The following PTGER3 variants were observed in gnomAD, a reference collection of about 807,000 sequenced individuals.
The protein encoded by PTGER3 is prostaglandin E2 receptor EP3 subtype.
In PTGER3, 22 loss-of-function variants were observed where a neutral mutation model predicts 34.7. That is an observed-to-expected ratio of 0.63 (90% CI 0.45 to 0.91). The LOEUF (loss-of-function observed/expected upper bound fraction) is 0.91, where lower values mean the gene tolerates loss of function less well. PTGER3 is among the 40% of genes least tolerant of loss of function. PTGER3 has a pLI of 0.00. For synonymous variants in PTGER3, 241 were observed against 230.1 expected (o/e 1.05, Z -0.43); for missense variants, 468 against 519.4 (o/e 0.90, Z 0.96).
Position 71,047,100 on chromosome 1 carries a change from T to G in PTGER3, c.478A>C (p.Arg160=). ...AMAVERALAI[R]APHWYASHMK... Reference sequence around the variant, plus strand: ...TGGCTCGCATACCAGTGCGGCGCCCTGATGGCCAGCGCCCGCTCGACGGCC... The same window carrying G: ...TGGCTCGCATACCAGTGCGGCGCCCGGATGGCCAGCGCCCGCTCGACGGCC... Residue 160 remains arginine, a synonymous_variant, in exon 1 of 4, where the codon AGG becomes CGG. Coordinates refer to ENST00000306666, the MANE Select transcript of PTGER3 (RefSeq NM_198719.2). 1 of 1,607,254 alleles carries G rather than the reference T, an allele frequency of 6.2e-7. No homozygotes were observed. The highest frequency in any genetic ancestry group is 8.5e-7 in the Non-Finnish European group (1 of 1,177,394).
intron 4 of PTGER3, among the ~76,000 whole-genome samples, chr1:70,937,726 C>G (rs1385817180): frequency 6.6e-6 from 1 of 152,050 alleles, no homozygotes; most frequent in Non-Finnish European, 1.5e-5. Flanking sequence ...CATACTGTTT[C>G]TTTATCATCT....
At chr1:70,932,471 A>G (rs1033820225) in intron 4 of PTGER3, among the ~76,000 whole-genome samples, 7 of 152,096 alleles carry the variant, frequency 4.6e-5, no homozygotes, top group Non-Finnish European at 1.0e-4. Flanking sequence ...TGAGACTGGG[A>G]AGAAAAAGAG....
At chr1:70,994,005 T>C (rs1655700960) in intron 2 of PTGER3, among the ~76,000 whole-genome samples, 1 of 152,188 alleles carries the variant, frequency 6.6e-6, no homozygotes, top group Admixed American at 6.5e-5. Context: ...ATAGCTGTGT[T>C]ACCAAAAGGG....
chr1:70,941,839 T>C (rs779539946), intron 4 of PTGER3, among the ~76,000 whole-genome samples: 1 of 152,202 alleles, frequency 6.6e-6, no homozygotes, highest in Non-Finnish European at 1.5e-5. Flanking sequence ...ATATCTGTGC[T>C]TCTGACATTG....
At chr1:71,041,479 G>A (rs1391042140) in intron 1 of PTGER3, among the ~76,000 whole-genome samples, 2 of 152,232 alleles carry the variant, frequency 1.3e-5, no homozygotes, top group East Asian at 3.9e-4. Flanking sequence ...AAAAAGCATA[G>A]GTCAGAGACT....
At chr1:70,977,696 T>A (rs1322495476) in intron 2 of PTGER3, among the ~76,000 whole-genome samples, 2 of 152,050 alleles carry the variant, frequency 1.3e-5, no homozygotes, top group African/African-American at 4.8e-5. Flanking sequence ...ATCCCCTCCC[T>A]CTTCCAACTT....
chr1:70,902,650 A>G (rs1433769996), intron 4 of PTGER3, among the ~76,000 whole-genome samples: 2 of 152,224 alleles, frequency 1.3e-5, no homozygotes, highest in Admixed American at 1.3e-4. Flanking sequence ...TGAGTTCCAG[A>G]AAGAGAGGAA....
At chr1:70,970,193 C>T (rs1572802848), downstream of PTGER3, among the ~76,000 whole-genome samples, 2 of 152,068 alleles carry the variant, frequency 1.3e-5, no homozygotes, top group African/African-American at 2.4e-5. Context: ...TATGAAAAAT[C>T]GGTTAAGCCC....
chr1:70,917,403 T>TTGTGTGTGTGTGTGTGTGTGTGTG (rs59163586), intron 4 of PTGER3, among the ~76,000 whole-genome samples: 17 of 136,380 alleles, frequency 1.2e-4, no homozygotes, highest in East Asian at 6.9e-4. Flanking sequence ...GTATTTTATT[T>TTGTGTGTGTGTGTGTGTGTGTGTG]TGTGTGTGTG....
At chr1:70,902,285 A>C (rs1646857110) in intron 4 of PTGER3, among the ~76,000 whole-genome samples, 1 of 152,220 alleles carries the variant, frequency 6.6e-6, no homozygotes, top group Admixed American at 6.5e-5. Context: ...TCCACAGGGT[A>C]GTAGACCAGG....
chr1:70,959,062 T>C (rs899349685), intron 2 of PTGER3, among the ~76,000 whole-genome samples: 2 of 152,244 alleles, frequency 1.3e-5, no homozygotes, highest in East Asian at 1.9e-4. Context: ...TTATTCTGTG[T>C]TGGTTACTAG....
chr1:70,943,260 C>T lies in PTGER3; in HGVS notation c.*23+10503G>A, dbSNP rs142736173. ...GAATGGATTAATTTCTTCTCCACAA[C>T]TTGCAACTTACCAGCAAGCAAATAA... On this transcript the variant is annotated intron_variant, in intron 4 of 4. Transcript: ENST00000370931. 7.1e-3 allele frequency among the ~76,000 whole-genome samples: 1,087 copies of T among 152,236 alleles called. 14 individuals carry two copies. Among genetic ancestry groups the T allele is most frequent in the African/African-American group, 0.025 (1,043 of 41,562 alleles).
rs185072013 is a variant in PTGER3, at chr1:70,979,334, T to C, written c.1078-4946A>G. On this transcript the variant is annotated intron_variant, in intron 2 of 3. Coordinates refer to ENST00000306666, the MANE Select transcript of PTGER3 (RefSeq NM_198719.2). ...AAAAAAAAGCTGAGTGAAGTTGACT[T>C]GCTCAAATCTAGACCTAGAACCAGA... Among the ~76,000 whole-genome samples, 133 of 151,896 alleles carry C rather than the reference T, an allele frequency of 8.8e-4. 1 individual carries two copies. Among genetic ancestry groups the C allele is most frequent in the African/African-American group, 3.0e-3 (126 of 41,448 alleles).
downstream of PTGER3, among the ~76,000 whole-genome samples, chr1:70,968,078 C>G (rs1557695683): frequency 6.6e-6 from 1 of 152,136 alleles, no homozygotes; most frequent in Non-Finnish European, 1.5e-5. Context: ...CTCTTGGGAA[C>G]AGCACAGCTG....
intron 2 of PTGER3, among the ~76,000 whole-genome samples, chr1:70,962,491 A>T: frequency 6.6e-6 from 1 of 152,170 alleles, no homozygotes; most frequent in East Asian, 1.9e-4. Context: ...TATAAAAAAA[A>T]AAGACGTTCA....
chr1:70,880,527 T>C (rs992235355), intron 4 of PTGER3, among the ~76,000 whole-genome samples: 10 of 151,412 alleles, frequency 6.6e-5, no homozygotes, highest in African/African-American at 2.4e-4. Context: ...CCATCTCTAC[T>C]AAAAATAAAA....
At chr1:70,977,397 G>C (rs1653811285) in intron 2 of PTGER3, among the ~76,000 whole-genome samples, 1 of 151,972 alleles carries the variant, frequency 6.6e-6, no homozygotes, top group Non-Finnish European at 1.5e-5. Flanking sequence ...ATTCCTTCCA[G>C]AATGACCCAG....
chr1:70,923,964 C>T (rs1647802575), intron 4 of PTGER3, among the ~76,000 whole-genome samples: 1 of 152,134 alleles, frequency 6.6e-6, no homozygotes, highest in South Asian at 2.1e-4. Context: ...TCAAATTTGA[C>T]TTGTAGAGCC....
At chr1:71,042,130 G>A (rs995580678) in intron 1 of PTGER3, among the ~76,000 whole-genome samples, 1 of 152,044 alleles carries the variant, frequency 6.6e-6, no homozygotes, top group South Asian at 2.1e-4. Flanking sequence ...GGCTTAAGAA[G>A]TGTTTAATTC....
Sources: gnomAD v4.1 joint callset for allele counts (sites outside exome capture counted in the v4.1 genomes callset) on GRCh38, gnomAD v4.1.1 for gene constraint, MANE v1.5 for transcripts, NCBI Gene and HGNC (gene_info 2026-07-23, HGNC 2026-07-21) for gene names.